The following ZFPM2 variants were observed in gnomAD, a reference collection of about 807,000 sequenced individuals.
The protein encoded by ZFPM2 is zinc finger protein, FOG family member 2, also known as zinc finger protein ZFPM2.
ZFPM2 carries 20 observed loss-of-function variants against 98.6 expected under a neutral mutation model. That is an observed-to-expected ratio of 0.20 (90% CI 0.14 to 0.29). The LOEUF (loss-of-function observed/expected upper bound fraction) is 0.29, where lower values mean the gene tolerates loss of function less well. Ranked by LOEUF, ZFPM2 falls within the 10% of genes least tolerant of loss-of-function variation. The pLI is 1.00. For synonymous variants in ZFPM2, 518 were observed against 502.7 expected (o/e 1.03, Z -0.41); for missense variants, 1,310 against 1,388.6 (o/e 0.94, Z 0.90).
intron 1 of ZFPM2, among the ~76,000 whole-genome samples, chr8:105,380,250 T>A (rs1586329116): frequency 6.6e-6 from 1 of 152,140 alleles, no homozygotes; most frequent in East Asian, 1.9e-4. Context: ...CAAAAATATA[T>A]AAGATGCTGA....
chr8:105,469,070 C>A, intron 3 of ZFPM2, among the ~76,000 whole-genome samples: 1 of 152,004 alleles, frequency 6.6e-6, no homozygotes, highest in Non-Finnish European at 1.5e-5. Flanking sequence ...GAGAGCTCTT[C>A]AGAGCACACA....
intron 4 of ZFPM2, among the ~76,000 whole-genome samples, chr8:105,618,690 A>C (rs1357145586): frequency 6.6e-6 from 1 of 152,156 alleles, no homozygotes; most frequent in Non-Finnish European, 1.5e-5. Context: ...CTATGACATA[A>C]ATGCGTTTAT....
At chr8:105,364,208 T>C (rs1224698700) in intron 1 of ZFPM2, among the ~76,000 whole-genome samples, 1 of 152,108 alleles carries the variant, frequency 6.6e-6, no homozygotes, top group Non-Finnish European at 1.5e-5. Flanking sequence ...ACAACCTTAA[T>C]TTTTATAATG....
chr8:105,425,615 A>T (rs1423092109), intron 2 of ZFPM2, among the ~76,000 whole-genome samples: 1 of 152,238 alleles, frequency 6.6e-6, no homozygotes, highest in Non-Finnish European at 1.5e-5. Context: ...ATCCAGGCTC[A>T]TTGAAATGTT....
At chr8:105,741,294 A>T (rs1361387442) in intron 5 of ZFPM2, among the ~76,000 whole-genome samples, 1 of 152,096 alleles carries the variant, frequency 6.6e-6, no homozygotes, top group Non-Finnish European at 1.5e-5. Context: ...TGTAGTTGTG[A>T]AACTGAGCGC....
At chr8:105,640,895 C>T (rs932838522) in intron 5 of ZFPM2, among the ~76,000 whole-genome samples, 2 of 151,948 alleles carry the variant, frequency 1.3e-5, no homozygotes, top group Non-Finnish European at 2.9e-5. Flanking sequence ...TTTAACTATT[C>T]AGTAATTCAT....
At chr8:105,349,874 T>C (rs181877011) in intron 1 of ZFPM2, among the ~76,000 whole-genome samples, 1 of 152,224 alleles carries the variant, frequency 6.6e-6, no homozygotes, top group Non-Finnish European at 1.5e-5. Flanking sequence ...CTACATGGCC[T>C]TCTTGACTTT....
At chr8:105,754,753 G>C (rs1812556853) in intron 5 of ZFPM2, among the ~76,000 whole-genome samples, 1 of 151,818 alleles carries the variant, frequency 6.6e-6, no homozygotes, top group South Asian at 2.1e-4. Context: ...ATATGTCTGA[G>C]GGAAAACAGA....
intron 1 of ZFPM2, among the ~76,000 whole-genome samples, chr8:105,374,836 G>T (rs1489111263): frequency 6.6e-6 from 1 of 152,026 alleles, no homozygotes; most frequent in African/African-American, 2.4e-5. Flanking sequence ...ATAACTCCTG[G>T]ATTTGTCAAT....
chr8:105,653,375 C>T (rs1198795403), intron 5 of ZFPM2, among the ~76,000 whole-genome samples: 1 of 152,146 alleles, frequency 6.6e-6, no homozygotes, highest in African/African-American at 2.4e-5. Context: ...AATCTGTTAA[C>T]TTTTTGTAAT....
intron 4 of ZFPM2, among the ~76,000 whole-genome samples, chr8:105,568,844 C>A (rs1248861962): frequency 6.6e-6 from 1 of 152,082 alleles, no homozygotes; most frequent in Admixed American, 6.6e-5. Context: ...ATGCTCACCT[C>A]CCCAGTTCTG....
intron 1 of ZFPM2, among the ~76,000 whole-genome samples, chr8:105,341,469 A>C (rs1449969460): frequency 6.6e-6 from 1 of 151,856 alleles, no homozygotes; most frequent in Non-Finnish European, 1.5e-5. Context: ...ATATACTATT[A>C]CTGTAAGGTA....
intron 3 of ZFPM2, among the ~76,000 whole-genome samples, chr8:105,518,389 A>G (rs1813982570): frequency 6.6e-6 from 1 of 152,232 alleles, no homozygotes; most frequent in African/African-American, 2.4e-5. Context: ...CAGTTTATTT[A>G]TTCAAATTAA....
At chr8:105,386,939 G>A (rs1261751125) in intron 1 of ZFPM2, among the ~76,000 whole-genome samples, 3 of 152,170 alleles carry the variant, frequency 2.0e-5, no homozygotes, top group South Asian at 2.1e-4. Flanking sequence ...GGTAGATACA[G>A]AGTGTTGATT....
intron 1 of ZFPM2, among the ~76,000 whole-genome samples, chr8:105,349,603 A>G (rs1214234864): frequency 6.6e-6 from 1 of 152,156 alleles, no homozygotes; most frequent in Admixed American, 6.5e-5. Flanking sequence ...ATGATTTAAG[A>G]CCTTCTAGAA....
chr8:105,536,446 T>C (rs1273523143), intron 3 of ZFPM2, among the ~76,000 whole-genome samples: 1 of 151,900 alleles, frequency 6.6e-6, no homozygotes, highest in African/African-American at 2.4e-5. Flanking sequence ...GAATCTTATC[T>C]TTTTTTTATG....
chr8:105,359,861 CTGAA>C (rs1470019057), intron 1 of ZFPM2, among the ~76,000 whole-genome samples: 1 of 152,160 alleles, frequency 6.6e-6, no homozygotes, highest in Non-Finnish European at 1.5e-5. Flanking sequence ...ATCTGTTTTT[CTGAA>C]TGAACTGATT....
intron 5 of ZFPM2, among the ~76,000 whole-genome samples, chr8:105,739,423 A>AT (rs1359500809): frequency 2.0e-5 from 3 of 151,916 alleles, no homozygotes; most frequent in South Asian, 2.1e-4. Context: ...ATTACATTAG[A>AT]TTTTTTCTGC....
At chr8:105,466,402 G>C (rs934798377) in intron 3 of ZFPM2, among the ~76,000 whole-genome samples, 2 of 151,918 alleles carry the variant, frequency 1.3e-5, no homozygotes, top group Non-Finnish European at 2.9e-5. Flanking sequence ...ATTTCTGTAA[G>C]CTACCAGCTA....
Sources: gnomAD v4.1 joint callset for allele counts (sites outside exome capture counted in the v4.1 genomes callset) on GRCh38, gnomAD v4.1.1 for gene constraint, MANE v1.5 for transcripts, NCBI Gene and HGNC (gene_info 2026-07-23, HGNC 2026-07-21) for gene names.